The following PTPRT variants were observed in gnomAD, a reference collection of about 807,000 sequenced individuals.
PTPRT encodes receptor-type tyrosine-protein phosphatase T.
A neutral mutation model predicts 176.8 loss-of-function variants in PTPRT; 56 were observed. The ratio of observed to expected loss-of-function variants is 0.32; its 90% CI spans 0.26 to 0.40. The LOEUF (loss-of-function observed/expected upper bound fraction) is 0.40. Among genes scored for constraint, PTPRT ranks in the 10% least tolerant of loss-of-function variants. The pLI is 1.00. For synonymous variants in PTPRT, 783 were observed against 739.0 expected (o/e 1.06, Z -0.96); for missense variants, 1,540 against 1,908.2 (o/e 0.81, Z 3.60).
chr20:43,003,478 A>G (rs1984696460), intron 1 of PTPRT, among the ~76,000 whole-genome samples: 1 of 152,236 alleles, frequency 6.6e-6, no homozygotes, highest in African/African-American at 2.4e-5. Flanking sequence ...CTCGGATTAT[A>G]GGCTTGAGAA....
the PTPRT span, among the ~76,000 whole-genome samples, chr20:42,044,757 C>T: frequency 6.6e-6 from 1 of 152,172 alleles, no homozygotes; most frequent in Non-Finnish European, 1.5e-5. Context: ...TGTGATAAGC[C>T]ATCACAAACT....
intron 2 of PTPRT, among the ~76,000 whole-genome samples, chr20:42,803,635 C>A (rs2015675): frequency 0.065 from 9,908 of 152,246 alleles, 409 homozygotes; most frequent in South Asian, 0.17. Context: ...CTCACTGCAA[C>A]CTTCGCCTCC....
chr20:43,058,398 G>T (rs1987326093), intron 1 of PTPRT, among the ~76,000 whole-genome samples: 1 of 151,904 alleles, frequency 6.6e-6, no homozygotes, highest in Non-Finnish European at 1.5e-5. Flanking sequence ...AAGAGAGCCA[G>T]AGAAAGAAAG....
rs191250641 is a variant in PTPRT at position 43,063,083 on chromosome 20, G to A, written c.88+126563C>T. ...TAGGCTTATAAATAATTTATCCAAA[G>A]CTCAAGCAAAGGTGAATTAGAAATT... On this transcript the variant is annotated intron_variant, in intron 1 of 30. Transcript: ENST00000373187. Among the ~76,000 whole-genome samples the A allele has an allele frequency of 8.1e-4, 123 of 152,174 alleles. 2 individuals are homozygous for A. The highest frequency in any genetic ancestry group is 2.9e-3 in the African/African-American group (121 of 41,508).
intron 17 of PTPRT, among the ~76,000 whole-genome samples, chr20:42,157,693 G>A (rs1027366658): frequency 1.3e-5 from 2 of 152,086 alleles, no homozygotes; most frequent in African/African-American, 4.8e-5. Flanking sequence ...CCTCATCAAG[G>A]GATAGAGTCA....
rs560328453 is a variant in PTPRT at position 42,310,707 on chromosome 20, C to T, written c.2139+5016G>A. ...ATGATGCTATAGTTCTATAATATTG[C>T]TATATCCAAAACAAATGGTTACAAC... On this transcript the variant is annotated intron_variant, in intron 12 of 30. Coordinates refer to ENST00000373187, the MANE Select transcript of PTPRT (RefSeq NM_007050.6). Among the ~76,000 whole-genome samples, 18 of 152,210 alleles carry T rather than the reference C, an allele frequency of 1.2e-4. No homozygotes were observed. The South Asian group carries it at 3.7e-3, about 32-fold the overall frequency.
chr20:42,919,341 T>C lies in PTPRT; in HGVS notation c.89-33409A>G, dbSNP rs548738769. On this transcript the variant is annotated intron_variant, in intron 1 of 30. Transcript: ENST00000373187. ...GCTCTCCTTACTCCATTGAGTATGG[T>C]TGTGCTCTGTAATCTGAGCTTCCTT... 2.0e-5 allele frequency among the ~76,000 whole-genome samples: 3 copies of C among 152,302 alleles called. No homozygotes were observed. The East Asian group carries it at 5.8e-4, about 29-fold the overall frequency.
intron 8 of PTPRT, among the ~76,000 whole-genome samples, chr20:42,450,765 T>C (rs1299005308): frequency 6.6e-6 from 1 of 152,172 alleles, no homozygotes; most frequent in Non-Finnish European, 1.5e-5. Flanking sequence ...GGGACAGCGA[T>C]GGACACTAGA....
intron 1 of PTPRT, among the ~76,000 whole-genome samples, chr20:43,052,612 C>T (rs1434355833): frequency 6.6e-6 from 1 of 152,146 alleles, no homozygotes; most frequent in African/African-American, 2.4e-5. Flanking sequence ...CATTCTATTT[C>T]CCTTTTAAAA....
chr20:42,327,168 T>C, intron 11 of PTPRT, among the ~76,000 whole-genome samples: 1 of 151,562 alleles, frequency 6.6e-6, no homozygotes, highest in Admixed American at 6.6e-5. Context: ...GCAACATAAA[T>C]TAATGAAAAA....
chr20:42,430,975 A>G (rs140325592), intron 9 of PTPRT, among the ~76,000 whole-genome samples: 173 of 152,178 alleles, frequency 1.1e-3, no homozygotes, highest in Non-Finnish European at 2.1e-3. Context: ...ATGTAGCAAG[A>G]GTTACAAAAG....
At position 42,073,518 on chromosome 20, in the gene PTPRT, C is replaced by A. The variant is rs1475339244; in HGVS notation, c.*7361G>T. On this transcript the variant is annotated 3_prime_UTR_variant, in exon 31 of 31. Transcript: ENST00000373187. The stretch of plus-strand genomic sequence containing the variant: ...TGGTAAGAAAAGCCCTGCTCTGTGT[C>A]CTACTTGGACCTTCACTGGTTCTGG... The A allele has an allele frequency of 2.3e-5, 5 of 213,522 alleles. No homozygotes were observed. Among genetic ancestry groups the A allele is most frequent in the African/African-American group, 1.1e-4 (5 of 44,236 alleles). The allele number at this position is 213,522 out of a possible 1,614,324, so 13.2% of individuals were successfully genotyped here.
In PTPRT at chr20:43,189,613, G is replaced by T; in HGVS notation, c.88+33C>A. ...GCCCGCGCGCATCCAGGAGGGAGCG[G>T]GGAGCCCAGGGGAGCCGGGCGGGCG... is the stretch of plus-strand genomic sequence containing the variant. On this transcript the variant is annotated intron_variant, in intron 1 of 30. Coordinates refer to ENST00000373187, the MANE Select transcript of PTPRT (RefSeq NM_007050.6). This position sits in a 1 kb window ranked among gnomAD's most constrained non-coding sequence, Gnocchi z 5.0. 2 of 1,219,382 alleles carry T rather than the reference G, an allele frequency of 1.6e-6. No individual in the cohort carries two copies. Among genetic ancestry groups the T allele is most frequent in the Non-Finnish European group, 1.0e-6 (1 of 975,306 alleles). The allele number at this position is 1,219,382 out of a possible 1,614,324, so 75.5% of individuals were successfully genotyped here.
At chr20:43,012,929 G>A (rs1469911001) in intron 1 of PTPRT, among the ~76,000 whole-genome samples, 1 of 151,900 alleles carries the variant, frequency 6.6e-6, no homozygotes, top group Non-Finnish European at 1.5e-5. Flanking sequence ...GCCCTCACCT[G>A]CTTGACCTGC....
chr20:42,445,816 C>T (rs901025452), intron 9 of PTPRT, among the ~76,000 whole-genome samples: 5 of 152,176 alleles, frequency 3.3e-5, no homozygotes, highest in Non-Finnish European at 5.9e-5. Flanking sequence ...GCATCAGATT[C>T]ACACAGAAGT....
intron 15 of PTPRT, among the ~76,000 whole-genome samples, chr20:42,230,483 G>A (rs769494907): frequency 2.0e-5 from 3 of 152,182 alleles, no homozygotes; most frequent in Non-Finnish European, 4.4e-5. Context: ...GGCAAACACT[G>A]AACAACTGAA....
intron 9 of PTPRT, among the ~76,000 whole-genome samples, chr20:42,360,857 G>T (rs978431156): frequency 6.6e-6 from 1 of 152,206 alleles, no homozygotes; most frequent in African/African-American, 2.4e-5. Context: ...TTCATTAAGG[G>T]CAAAGCCTAG....
intron 18 of PTPRT, among the ~76,000 whole-genome samples, chr20:42,140,522 C>T (rs1428150063): frequency 2.0e-5 from 3 of 152,154 alleles, no homozygotes; most frequent in Non-Finnish European, 4.4e-5. Flanking sequence ...TCTTCCTCAC[C>T]CCCCAGAACT....
chr20:42,554,688 A>T (rs2072829789), intron 7 of PTPRT, among the ~76,000 whole-genome samples: 1 of 152,204 alleles, frequency 6.6e-6, no homozygotes, highest in African/African-American at 2.4e-5. Context: ...CGAGGCAATG[A>T]TGGAAATCAT....
Sources: allele counts gnomAD v4.1 joint callset (sites outside exome capture counted in the v4.1 genomes callset), GRCh38; gene constraint gnomAD v4.1.1; non-coding constraint Gnocchi (gnomAD v3.1); transcripts MANE v1.5; gene names NCBI Gene and HGNC (gene_info 2026-07-23, HGNC 2026-07-21).